USP43: variants seen among roughly 807,000 people sequenced by gnomAD.
The protein encoded by USP43 is ubiquitin carboxyl-terminal hydrolase 43.
A neutral mutation model predicts 90.7 loss-of-function variants in USP43; 33 were observed. The ratio of observed to expected loss-of-function variants is 0.36; its 90% CI spans 0.28 to 0.49. The LOEUF (loss-of-function observed/expected upper bound fraction) is 0.49, where lower values mean the gene tolerates loss of function less well. Ranked by LOEUF, USP43 falls within the 20% of genes least tolerant of loss-of-function variation. The probability of loss-of-function intolerance (pLI) is 0.98; values close to 1 mark genes in which losing one functional copy is unlikely to be tolerated. For missense variants in USP43, 1,274 were observed against 1,476.4 expected (o/e 0.86, Z 2.25); for synonymous variants, 598 against 615.8 (o/e 0.97, Z 0.43).
chr17:9,718,174 G>C (rs763658410), intron 14 of USP43, among the ~76,000 whole-genome samples: 1 of 152,134 alleles, frequency 6.6e-6, no homozygotes, highest in African/African-American at 2.4e-5. Context: ...TTTGGGACGA[G>C]AAATATGCTG....
intron 13 of USP43, among the ~76,000 whole-genome samples, chr17:9,711,149 A>G (rs1034606620): frequency 1.3e-5 from 2 of 152,194 alleles, no homozygotes; most frequent in African/African-American, 2.4e-5. Context: ...TGCAAAGTGT[A>G]GGCATCCTTA....
At chr17:9,690,072 C>T (rs763038702) in intron 8 of USP43, among the ~76,000 whole-genome samples, 6 of 152,136 alleles carry the variant, frequency 3.9e-5, no homozygotes, top group Non-Finnish European at 8.8e-5. Context: ...AGACCCCCTG[C>T]AGCCCAGTTC....
At chr17:9,670,005 G>C (rs972216785) in intron 3 of USP43, among the ~76,000 whole-genome samples, 3 of 151,576 alleles carry the variant, frequency 2.0e-5, no homozygotes, top group Non-Finnish European at 4.4e-5. Flanking sequence ...TTAAAGGAGG[G>C]AGTGATCTAG....
Position 9,686,202 on chromosome 17 carries a change from C to A in USP43, c.1242-596C>A, listed in dbSNP as rs1914590197. On this transcript the variant is annotated intron_variant, in intron 7 of 14. Transcript: ENST00000285199. The surrounding 1 kb of genome is among the most constrained non-coding windows in gnomAD (Gnocchi z 5.5). ...ATAGACCACATTTTCTTTTTCATTT[C>A]TTTTCCATTCATCCACCGATGTACA... Among the ~76,000 whole-genome samples the A allele has an allele frequency of 6.6e-6, 1 of 152,048 alleles. No individual in the cohort carries two copies. Among genetic ancestry groups the A allele is most frequent in the South Asian group, 2.1e-4 (1 of 4,824 alleles).
chr17:9,660,964 C>A (rs1442624977), intron 2 of USP43, among the ~76,000 whole-genome samples: 2 of 152,224 alleles, frequency 1.3e-5, no homozygotes, highest in African/African-American at 4.8e-5. Context: ...CGGCGTGAAA[C>A]TTCATTTTCC....
chr17:9,713,257 T>A (rs529736991), intron 14 of USP43, among the ~76,000 whole-genome samples: 1 of 152,134 alleles, frequency 6.6e-6, no homozygotes, highest in South Asian at 2.1e-4. Context: ...CCTGGCTAAT[T>A]TTTGTACTTT....
intron 14 of USP43, among the ~76,000 whole-genome samples, chr17:9,727,409 A>G (rs1917329855): frequency 6.6e-6 from 1 of 152,172 alleles, no homozygotes; most frequent in African/African-American, 2.4e-5. Flanking sequence ...ATGTTTTCAC[A>G]TGCATGCATA....
chr17:9,729,111 T>A lies in USP43; in HGVS notation c.*121T>A, dbSNP rs997029017. ...TTGTCTTGTAATCTCTAAAAAAAAA[T>A]TTTTTTTTTTTTGTGGTGGGGGGTC... On this transcript the variant is annotated 3_prime_UTR_variant, in exon 15 of 15. Transcript: ENST00000285199. 626 of 485,944 alleles carry A rather than the reference T, an allele frequency of 1.3e-3. No homozygotes were observed. Among genetic ancestry groups the A allele is most frequent in the South Asian group, 2.6e-3 (38 of 14,498 alleles). 30.1% of individuals were successfully genotyped at this position (485,944 alleles called of 1,614,324 possible). A position where few individuals can be genotyped will look rare whatever the true frequency, so the allele number is the denominator to read the frequency against.
At chr17:9,670,156 G>A (rs1040858132) in intron 3 of USP43, among the ~76,000 whole-genome samples, 2 of 150,904 alleles carry the variant, frequency 1.3e-5, no homozygotes, top group Admixed American at 6.6e-5. Flanking sequence ...CTCCTGCCTC[G>A]GCCTCCCAAG....
intron 14 of USP43, among the ~76,000 whole-genome samples, chr17:9,715,687 ATGTGTGTGTGTCTG>A (rs1375248377): frequency 1.1e-5 from 1 of 91,582 alleles, no homozygotes; most frequent in African/African-American, 5.0e-5. Context: ...GTCTGTGTGT[ATGTGTGTGTGTCTG>A]TGTGTGTCTC....
At chr17:9,691,108 A>ATTTTTTT (rs557338364) in intron 8 of USP43, among the ~76,000 whole-genome samples, 6 of 130,118 alleles carry the variant, frequency 4.6e-5, no homozygotes, top group Non-Finnish European at 1.6e-5. Context: ...AATTTCCTTC[A>ATTTTTTT]TTTTTTTTTT....
At chr17:9,661,875 C>T (rs959024788) in intron 2 of USP43, among the ~76,000 whole-genome samples, 2 of 152,018 alleles carry the variant, frequency 1.3e-5, no homozygotes, top group Non-Finnish European at 1.5e-5. Flanking sequence ...GTCATTGAAC[C>T]CATTGAATTC....
chr17:9,684,791 C>T (rs1255395431), intron 7 of USP43, among the ~76,000 whole-genome samples: 4 of 146,444 alleles, frequency 2.7e-5, no homozygotes, highest in African/African-American at 7.7e-5. Flanking sequence ...AAAAAATCAG[C>T]ATCATTTGTA....
chr17:9,724,760 C>A (rs917469007), intron 14 of USP43, among the ~76,000 whole-genome samples: 1 of 152,192 alleles, frequency 6.6e-6, no homozygotes, highest in Non-Finnish European at 1.5e-5. Flanking sequence ...GACAGGTGCA[C>A]CATATTCTTT....
At chr17:9,654,778 C>A (rs545572140) in intron 1 of USP43, among the ~76,000 whole-genome samples, 2 of 151,886 alleles carry the variant, frequency 1.3e-5, no homozygotes, top group South Asian at 4.2e-4. Flanking sequence ...CACTGTGTCA[C>A]CCAGGCTGGA....
chr17:9,676,866 C>T lies in USP43; in HGVS notation c.954C>T (p.Gly318=), dbSNP rs1266430810. Residue 318 remains glycine, a synonymous_variant, in exon 5 of 15, where the codon GGC becomes GGT. Coordinates refer to ENST00000285199, the MANE Select transcript of USP43 (RefSeq NM_153210.5). ...GGAAGATGGTTGCAGAGGAAGGAGG[C>T]GTCCCTGCAGATGAGGTGTGATAGA... The part of the protein sequence containing the change: ...ALRKMVAEEG[G]VPADEVILVE... 6.8e-6 allele frequency: 11 copies of T among 1,613,504 alleles called. No homozygotes were observed. The highest frequency in any genetic ancestry group is 2.2e-5 in the South Asian group (2 of 91,016).
chr17:9,708,757 A>C (rs1916025902), intron 12 of USP43, among the ~76,000 whole-genome samples: 1 of 152,058 alleles, frequency 6.6e-6, no homozygotes, highest in Non-Finnish European at 1.5e-5. Context: ...CCTCCCAAGT[A>C]GCTGGGATTA....
intron 2 of USP43, among the ~76,000 whole-genome samples, chr17:9,662,852 C>G (rs939353600): frequency 1.3e-4 from 19 of 144,888 alleles, no homozygotes; most frequent in African/African-American, 2.1e-4. Context: ...GAGTCTTGAT[C>G]TGTTGCCCAG....
intron 2 of USP43, among the ~76,000 whole-genome samples, chr17:9,664,927 G>T (rs774550152): frequency 6.6e-6 from 1 of 152,142 alleles, no homozygotes; most frequent in Non-Finnish European, 1.5e-5. Context: ...GTGAGCCAGC[G>T]CGCCCAGTCA....
Sources: gnomAD v4.1 joint callset for allele counts (sites outside exome capture counted in the v4.1 genomes callset) on GRCh38, gnomAD v4.1.1 for gene constraint, Gnocchi (gnomAD v3.1) non-coding constraint, MANE v1.5 for transcripts, NCBI Gene and HGNC (gene_info 2026-07-23, HGNC 2026-07-21) for gene names.